Variants in XPO1 observed in about 807,000 individuals in gnomAD.
The protein encoded by XPO1 is exportin-1.
Under a neutral mutation model 133.3 loss-of-function variants are expected in XPO1, and 5 were observed. The ratio of observed to expected loss-of-function variants is 0.04; its 90% confidence interval spans 0.02 to 0.08. The LOEUF (loss-of-function observed/expected upper bound fraction) is 0.08, where lower values mean the gene tolerates loss of function less well. Ranked by LOEUF, XPO1 falls within the 10% of genes least tolerant of loss-of-function variation. The pLI, the probability that XPO1 is intolerant of heterozygous loss-of-function variation, is 1.00. For synonymous variants in XPO1, 419 were observed against 408.2 expected (o/e 1.03, Z -0.32); for missense variants, 506 against 1,267.5 (o/e 0.40, Z 9.12).
At chr2:61,528,377 G>GT (rs1182187946) in intron 2 of XPO1, among the ~76,000 whole-genome samples, 1 of 152,056 alleles carries the variant, frequency 6.6e-6, no homozygotes, top group African/African-American at 2.4e-5. Flanking sequence ...GCTTACGCCT[G>GT]TAATCCTGGC....
At position 61,478,081 on chromosome 2, in the gene XPO1, A is replaced by G. The variant is rs567273287; in HGVS notation, c.*739T>C. The G allele has an allele frequency of 3.4e-4, 79 of 232,854 alleles. No individual in the cohort carries two copies. Among genetic ancestry groups the G allele is most frequent in the African/African-American group, 1.7e-3 (79 of 45,424 alleles). The allele number at this position is 232,854 out of a possible 1,614,324, so 14.4% of individuals were successfully genotyped here. A position where few individuals can be genotyped will look rare whatever the true frequency, so the allele number is the denominator to read the frequency against. On this transcript the variant is annotated 3_prime_UTR_variant, in exon 25 of 25. Coordinates refer to ENST00000401558, the MANE Select transcript of XPO1 (RefSeq NM_003400.4). ...TGTTAAAAAGATGCAGCCTATTCTA[A>G]CAGGATAAATATTTTTAACCATTTC...
At chr2:61,482,595 G>C in intron 22 of XPO1, 56 bp from the exon 23 acceptor site, 7 of 1,389,298 alleles carry the variant, frequency 5.0e-6, no homozygotes, top group Non-Finnish European at 6.7e-6. Flanking sequence ...ATAGATCTTA[G>C]CGTTTTTTTT....
chr2:61,504,502 C>T (rs562649072), intron 4 of XPO1, among the ~76,000 whole-genome samples: 10 of 152,300 alleles, frequency 6.6e-5, no homozygotes, highest in East Asian at 1.9e-4. Context: ...GTTCACTTTA[C>T]GCTTTGTCAC....
chr2:61,537,988 C>T lies in XPO1; in HGVS notation c.-433G>A, dbSNP rs1028536068. 1.4e-4 allele frequency: 22 copies of T among 161,062 alleles called. No homozygotes were observed. Among genetic ancestry groups the T allele is most frequent in the Non-Finnish European group, 6.8e-5 (5 of 73,820 alleles). 10.0% of individuals were successfully genotyped at this position (161,062 alleles called of 1,614,324 possible). On this transcript the variant is annotated 5_prime_UTR_variant, in exon 1 of 25. Coordinates refer to ENST00000401558, the MANE Select transcript of XPO1 (RefSeq NM_003400.4). ...GAGACGCTCTGCTGCCAGTTGCAGT[C>T]CGACTCCCCCCTACCAAAACACGGC...
intron 16 of XPO1, 114 bp from the exon 17 acceptor site, chr2:61,490,890 C>T: frequency 7.8e-7 from 1 of 1,275,660 alleles, no homozygotes; most frequent in Non-Finnish European, 1.1e-6. Flanking sequence ...TGCAGTGGAT[C>T]ACTCCTGTAA....
At chr2:61,488,043 C>T (rs1186646991) in intron 19 of XPO1, 122 bp downstream of exon 19, 9 of 801,562 alleles carry the variant, frequency 1.1e-5, no homozygotes, top group African/African-American at 1.7e-5. Context: ...AAATAAAATG[C>T]CATAAAATAA....
intron 4 of XPO1, among the ~76,000 whole-genome samples, chr2:61,507,571 T>C (rs1002095997): frequency 6.6e-6 from 1 of 151,476 alleles, no homozygotes; most frequent in African/African-American, 2.4e-5. Flanking sequence ...TCTCTGTCTC[T>C]TTAAAAAAAA....
chr2:61,481,438 ATGT>A (rs1696349022), intron 23 of XPO1, among the ~76,000 whole-genome samples, 157 bp from the exon 24 acceptor site: 1 of 149,142 alleles, frequency 6.7e-6, no homozygotes, highest in Non-Finnish European at 1.5e-5. Flanking sequence ...CGTCCCAATA[ATGT>A]TTTTTTTTTT....
chr2:61,505,010 T>A (rs559203311), intron 4 of XPO1, among the ~76,000 whole-genome samples: 1 of 152,226 alleles, frequency 6.6e-6, no homozygotes, highest in Non-Finnish European at 1.5e-5. Context: ...GGAAAATATA[T>A]TTTTTACATT....
chr2:61,510,979 G>C (rs1468746948), intron 4 of XPO1, among the ~76,000 whole-genome samples: 1 of 151,348 alleles, frequency 6.6e-6, no homozygotes, highest in East Asian at 1.9e-4. Flanking sequence ...ATGTAAGCTA[G>C]GGATCAAACA....
intron 6 of XPO1, among the ~76,000 whole-genome samples, chr2:61,501,061 T>C (rs771786012): frequency 2.0e-5 from 3 of 152,186 alleles, no homozygotes; most frequent in Non-Finnish European, 4.4e-5. Flanking sequence ...TTTCAGATTA[T>C]AAAAATACAT....
In XPO1 at chr2:61,496,871, T is replaced by G; in HGVS notation, c.888+8A>C. ...ATTCAGCCAATTTTCAAGATAGTAT[T>G]ATATTACCTGCTTTAGTTGCATCAT... On this transcript the variant is annotated splice_region_variant and intron_variant, in intron 10 of 24. Transcript: ENST00000401558. 6.3e-7 allele frequency: 1 copy of G among 1,579,050 alleles called. No homozygotes were observed. The highest frequency in any genetic ancestry group is 8.6e-7 in the Non-Finnish European group (1 of 1,167,034).
chr2:61,499,908 T>C lies in XPO1; in HGVS notation c.409-14A>G. 2 of 1,597,180 alleles carry C rather than the reference T, an allele frequency of 1.3e-6. No individual in the cohort carries two copies. The highest frequency in any genetic ancestry group is 1.7e-6 in the Non-Finnish European group (2 of 1,176,070). On this transcript the variant is annotated splice_polypyrimidine_tract_variant and intron_variant, in intron 6 of 24. Transcript: ENST00000401558. ...TTGTTTCAGTATCTAAAACAAGACA[T>C]GAAATGTTAATCGCACTTCATTTCT...
intron 20 of XPO1, chr2:61,485,559 G>A: frequency 3.2e-6 from 1 of 313,204 alleles, no homozygotes; most frequent in South Asian, 7.0e-5. Context: ...TTTTTGTAGA[G>A]ATGAAGTCTC....
Position 61,488,706 on chromosome 2 carries a change from C to G in XPO1, c.2088G>C (p.Val696=). Residue 696 remains valine (V), a synonymous_variant, in exon 18 of 25, where the codon GTG becomes GTC. Transcript: ENST00000401558. ...GGTGTCCAACAGCTTTGCAGGCTCT[C>G]ACATTTGTTTTCAAAATGCTACCAA... The part of the protein sequence containing the change: ...KQLGSILKTN[V]RACKAVGHPF... 6.2e-7 allele frequency: 1 copy of G among 1,614,206 alleles called. No individual in the cohort carries two copies. The highest frequency in any genetic ancestry group is 8.5e-7 in the Non-Finnish European group (1 of 1,180,050).
At chr2:61,506,402 G>A (rs951811042) in intron 4 of XPO1, among the ~76,000 whole-genome samples, 6 of 152,100 alleles carry the variant, frequency 3.9e-5, no homozygotes, top group Non-Finnish European at 7.4e-5. Context: ...AAGCCTGGGT[G>A]ACAGAGCAAG....
At chr2:61,495,032 C>CA (rs1359579558) in intron 11 of XPO1, among the ~76,000 whole-genome samples, 3 of 151,800 alleles carry the variant, frequency 2.0e-5, no homozygotes, top group Non-Finnish European at 4.4e-5. Flanking sequence ...TTAATAGAGA[C>CA]AGAGATTCAC....
chr2:61,500,456 G>C (rs1697449759), intron 6 of XPO1, among the ~76,000 whole-genome samples: 1 of 151,528 alleles, frequency 6.6e-6, no homozygotes, highest in African/African-American at 2.4e-5. Context: ...ACGTGTGCCT[G>C]TGATCCCAGC....
At chr2:61,493,655 G>A in intron 12 of XPO1, 1 of 424,738 alleles carries the variant, frequency 2.4e-6, no homozygotes, top group Non-Finnish European at 4.2e-6. Flanking sequence ...ATTGGCAGGT[G>A]GCCAATGAAT....
Sources: allele counts gnomAD v4.1 joint callset (sites outside exome capture counted in the v4.1 genomes callset), GRCh38; gene constraint gnomAD v4.1.1; transcripts MANE v1.5; gene names NCBI Gene and HGNC (gene_info 2026-07-23, HGNC 2026-07-21).